ADAM12: variants seen among roughly 807,000 people sequenced by gnomAD.
The protein encoded by ADAM12 is disintegrin and metalloproteinase domain-containing protein 12.
A neutral mutation model predicts 106.4 loss-of-function variants in ADAM12; 70 were observed. That is an observed-to-expected ratio of 0.66 (90% confidence interval 0.54 to 0.80). ADAM12 has a LOEUF of 0.80. Among genes scored for constraint, ADAM12 ranks in the 30% least tolerant of loss-of-function variants. The pLI, the probability that ADAM12 is intolerant of heterozygous loss-of-function variation, is 0.00. For synonymous variants in ADAM12, 420 were observed against 433.5 expected (o/e 0.97, Z 0.39); for missense variants, 1,010 against 1,171.9 (o/e 0.86, Z 2.02).
chr10:126,178,949 A>C (rs915879738), intron 3 of ADAM12, among the ~76,000 whole-genome samples: 16 of 152,154 alleles, frequency 1.1e-4, no homozygotes, highest in African/African-American at 3.9e-4. Flanking sequence ...CGAGAGGCTG[A>C]GGCAGGAGAA....
At chr10:126,021,064 A>G (rs1268049829) in intron 21 of ADAM12, among the ~76,000 whole-genome samples, 1 of 151,216 alleles carries the variant, frequency 6.6e-6, no homozygotes, top group Admixed American at 6.6e-5. Flanking sequence ...GTGGATACCC[A>G]TGAGAGAGGG....
intron 3 of ADAM12, among the ~76,000 whole-genome samples, chr10:126,223,017 TG>T (rs980453063): frequency 7.2e-5 from 11 of 152,348 alleles, no homozygotes; most frequent in Middle Eastern, 6.8e-3. Flanking sequence ...CTGCGTTCTT[TG>T]GAGATTTAGA....
At chr10:126,322,367 C>T (rs1319830779) in intron 2 of ADAM12, among the ~76,000 whole-genome samples, 1 of 152,230 alleles carries the variant, frequency 6.6e-6, no homozygotes, top group African/African-American at 2.4e-5. Context: ...TGCCAGTTTC[C>T]TGTCCTTCCA....
chr10:126,230,385 G>C (rs1292925351), intron 3 of ADAM12, among the ~76,000 whole-genome samples: 2 of 152,184 alleles, frequency 1.3e-5, no homozygotes, highest in African/African-American at 4.8e-5. Flanking sequence ...CATATGCCTT[G>C]GGATACACTA....
chr10:126,361,120 A>T (rs1178725246), intron 1 of ADAM12, among the ~76,000 whole-genome samples: 1 of 152,200 alleles, frequency 6.6e-6, no homozygotes, highest in Non-Finnish European at 1.5e-5. Context: ...GGTTCCTCCC[A>T]CAACACGTGG....
chr10:126,137,842 A>G (rs1195837540), intron 4 of ADAM12, among the ~76,000 whole-genome samples: 28 of 152,248 alleles, frequency 1.8e-4, no homozygotes. Context: ...TACTATGAAC[A>G]CATGTGTACA....
chr10:126,125,252 T>TC (rs1483257526), intron 5 of ADAM12, among the ~76,000 whole-genome samples: 5 of 148,926 alleles, frequency 3.4e-5, no homozygotes, highest in African/African-American at 1.2e-4. Context: ...TTCTTTTCTT[T>TC]TTTTTTTTTT....
chr10:126,188,059 G>C (rs963111170), intron 3 of ADAM12, among the ~76,000 whole-genome samples: 1 of 152,202 alleles, frequency 6.6e-6, no homozygotes, highest in Non-Finnish European at 1.5e-5. Flanking sequence ...AGGCTGTGAA[G>C]GGGCAATGAC....
At chr10:126,106,876 A>G (rs879874047) in intron 8 of ADAM12, among the ~76,000 whole-genome samples, 8 of 152,064 alleles carry the variant, frequency 5.3e-5, no homozygotes, top group Admixed American at 2.0e-4. Context: ...ATATTTTTCT[A>G]CTATCATGTG....
At position 126,066,244 on chromosome 10, in the gene ADAM12, G is replaced by A. The variant is rs931113710; in HGVS notation, c.1413+473C>T. On this transcript the variant is annotated intron_variant, in intron 13 of 22. Coordinates refer to ENST00000448723, the MANE Select transcript of ADAM12 (RefSeq NM_001288973.2). This position sits in a 1 kb window ranked among gnomAD's most constrained non-coding sequence, Gnocchi z 5.1. ...TGCCATTCTTGGCTGGGCGGGGTTGGTGGCAACTTCTTTTGGGAGGACATT... is the reference window on the plus strand; with the variant it reads ...TGCCATTCTTGGCTGGGCGGGGTTGATGGCAACTTCTTTTGGGAGGACATT... Among the ~76,000 whole-genome samples, 6 of 152,200 alleles carry A rather than the reference G, an allele frequency of 3.9e-5. No homozygotes were observed. Among genetic ancestry groups the A allele is most frequent in the African/African-American group, 1.4e-4 (6 of 41,454 alleles).
intron 10 of ADAM12, among the ~76,000 whole-genome samples, chr10:126,095,782 C>A (rs2133567564): frequency 6.6e-6 from 1 of 152,152 alleles, no homozygotes; most frequent in Middle Eastern, 3.4e-3. Flanking sequence ...GGTGTGCCCC[C>A]CTACCTTGAA....
rs1002794751 is a variant in ADAM12, at chr10:126,223,895, C to A, written c.260+55020G>T. Among the ~76,000 whole-genome samples, 77 of 152,178 alleles carry A rather than the reference C, an allele frequency of 5.1e-4. 1 individual carries two copies. Among genetic ancestry groups the A allele is most frequent in the African/African-American group, 1.8e-3 (75 of 41,440 alleles). On this transcript the variant is annotated intron_variant, in intron 3 of 22. Transcript: ENST00000448723. ...CTGGTACTACACCAGCTAGAGCCATCCCAGCATCCCTGGGGGTTCGTGCCC... is the reference window on the plus strand; with the variant it reads ...CTGGTACTACACCAGCTAGAGCCATACCAGCATCCCTGGGGGTTCGTGCCC...
intron 2 of ADAM12, among the ~76,000 whole-genome samples, chr10:126,327,623 T>G (rs1251177498): frequency 6.9e-6 from 1 of 143,910 alleles, no homozygotes; most frequent in Non-Finnish European, 1.5e-5. Flanking sequence ...TCTACCAAAA[T>G]AAATAAATAA....
In ADAM12 at chr10:126,014,312, GGTTTTTTTTTTT is replaced by G. The variant is rs1264654510; in HGVS notation, c.*2955_*2966del. On this transcript the variant is annotated 3_prime_UTR_variant, in exon 23 of 23. Transcript: ENST00000448723. ...AGAACATTTTGACACAGTTTTAGCCGGTTTTTTTTTTTTTTTTTTTTTTTTGAGGATGCATTG... is the reference window on the plus strand; with the variant it reads ...AGAACATTTTGACACAGTTTTAGCCGTTTTTTTTTTTTTGAGGATGCATTG... 1 of 87,672 alleles carries G rather than the reference GGTTTTTTTTTTT, an allele frequency of 1.1e-5. No homozygotes were observed. The allele number at this position is 87,672 out of a possible 1,614,324, so 5.4% of individuals were successfully genotyped here.
At chr10:126,375,190 GACT>G (rs1288403171) in intron 1 of ADAM12, among the ~76,000 whole-genome samples, 1 of 147,744 alleles carries the variant, frequency 6.8e-6, no homozygotes, top group Non-Finnish European at 1.5e-5. Context: ...CTTCAATGAA[GACT>G]ACTTCAATAA....
chr10:126,059,195 G>A (rs1954698756), intron 14 of ADAM12, among the ~76,000 whole-genome samples: 1 of 152,040 alleles, frequency 6.6e-6, no homozygotes, highest in Non-Finnish European at 1.5e-5. Flanking sequence ...AGAAATGATG[G>A]CATCTTGAAT....
chr10:126,221,084 A>T (rs1158563618), intron 3 of ADAM12, among the ~76,000 whole-genome samples: 3 of 152,262 alleles, frequency 2.0e-5, no homozygotes, highest in African/African-American at 7.2e-5. Context: ...TGTATGAGGT[A>T]GATTTAGAAG....
intron 3 of ADAM12, among the ~76,000 whole-genome samples, chr10:126,180,312 C>T (rs988295918): frequency 6.6e-6 from 1 of 152,158 alleles, no homozygotes; most frequent in African/African-American, 2.4e-5. Flanking sequence ...GCAAGGAAGA[C>T]CTTTCCGAGT....
At chr10:126,211,499 C>T (rs1023409835) in intron 3 of ADAM12, among the ~76,000 whole-genome samples, 6 of 151,030 alleles carry the variant, frequency 4.0e-5, no homozygotes, top group South Asian at 4.2e-4. Context: ...TCCTGGACCA[C>T]GTGATCCTCG....
Sources: gnomAD v4.1 joint callset for allele counts (sites outside exome capture counted in the v4.1 genomes callset) on GRCh38, gnomAD v4.1.1 for gene constraint, Gnocchi (gnomAD v3.1) non-coding constraint, MANE v1.5 for transcripts, NCBI Gene and HGNC (gene_info 2026-07-23, HGNC 2026-07-21) for gene names.